PZP: variants seen among roughly 807,000 people sequenced by gnomAD.
PZP encodes the protein PZP alpha-2-macroglobulin like.
PZP carries 150 observed loss-of-function variants against 179.8 expected under a neutral mutation model. The ratio of observed to expected loss-of-function variants is 0.83; its 90% CI spans 0.73 to 0.96. PZP has a LOEUF of 0.96. Among genes scored for constraint, PZP ranks in the 40% least tolerant of loss-of-function variants. The pLI is 0.00. For missense variants in PZP, 1,689 were observed against 1,764.0 expected (o/e 0.96, Z 0.76); for synonymous variants, 624 against 652.3 (o/e 0.96, Z 0.66).
At position 9,197,020 on chromosome 12, in the gene PZP, T is replaced by A. The variant is rs781433904; in HGVS notation, c.859A>T (p.Ser287Cys). Residue 287 changes from serine (S) to cysteine (C), a missense_variant, in exon 8 of 36, where the codon AGT becomes TGT. By Grantham distance (112) the Ser-to-Cys change is moderately radical. Transcript: ENST00000261336. ...CDKQEVCEEF[S>C]QQLNSNGCIT... ...GAATACCGCCTACTAACCTGTTGACTGAATTCCTCACAGACCTCCTGCTTG... is the reference window on the plus strand; with the variant it reads ...GAATACCGCCTACTAACCTGTTGACAGAATTCCTCACAGACCTCCTGCTTG... The A allele has an allele frequency of 2.5e-6, 4 of 1,608,656 alleles. No individual in the cohort carries two copies. Among genetic ancestry groups the A allele is most frequent in the Non-Finnish European group, 3.4e-6 (4 of 1,175,246 alleles).
chr12:9,186,297 A>G (rs550680149), intron 13 of PZP, among the ~76,000 whole-genome samples: 1 of 152,220 alleles, frequency 6.6e-6, no homozygotes, highest in Admixed American at 6.5e-5. Context: ...ACGAGCCACT[A>G]CATAACCACA....
chr12:9,146,277 A>G (rs912209113), downstream of PZP, among the ~76,000 whole-genome samples: 1 of 150,786 alleles, frequency 6.6e-6, no homozygotes, highest in Non-Finnish European at 1.5e-5. Flanking sequence ...AAATTAACTG[A>G]TCTTTTCTTC....
intron 16 of PZP, 110 bp from the exon 17 acceptor site, chr12:9,169,084 T>C (rs1941797465): frequency 1.1e-5 from 8 of 723,560 alleles, no homozygotes; most frequent in Non-Finnish European, 1.8e-5. Context: ...ATTAATTCTA[T>C]GGCGAAACAC....
At position 9,152,833 on chromosome 12, in the gene PZP, A is replaced by G. The variant is rs1348768302; in HGVS notation, c.4112T>C (p.Leu1371Pro). ...HKAHTSFQISLTISYTGNRPA... is the reference protein window; with the variant it reads ...HKAHTSFQISPTISYTGNRPA... ...GGTTAGAACGTCTTACCTGATGGTC[A>G]GTGAGATCTGAAAGCTGGTGTGGGC... The change falls in exon 31 of 36, where the codon CTG (leucine) becomes CCG (proline). Residue 1371 changes from leucine (L) to proline (P), a missense_variant. Leu to Pro is a moderately conservative substitution (Grantham distance 98, BLOSUM62 -3). Transcript: ENST00000261336. 6.2e-7 allele frequency: 1 copy of G among 1,613,992 alleles called. No homozygotes were observed. Among genetic ancestry groups the G allele is most frequent in the East Asian group, 2.2e-5 (1 of 44,888 alleles).
Position 9,153,194 on chromosome 12 carries a change from C to G in PZP, c.3924G>C (p.Gln1308His), listed in dbSNP as rs1344838604. Residue 1308 changes from glutamine to histidine, a missense_variant, in exon 30 of 36, where the codon CAG becomes CAC. Gln to His is a conservative substitution (Grantham distance 24, BLOSUM62 0). Coordinates refer to ENST00000261336, the MANE Select transcript of PZP (RefSeq NM_002864.3). ...VDNNNLLLLQ[Q>H]ISLPELPGEY... ...CTCCAGGGAGCTCTGGCAATGAGAT[C>G]TGCTGCAGTAATAGGAGGTTGTTGT... 1.2e-6 allele frequency: 2 copies of G among 1,614,098 alleles called. No homozygotes were observed. Among genetic ancestry groups the G allele is most frequent in the Admixed American group, 3.3e-5 (2 of 60,016 alleles).
intron 29 of PZP, 45 bp from the exon 30 acceptor site, chr12:9,153,388 G>A (rs762740028): frequency 6.5e-6 from 10 of 1,539,476 alleles, no homozygotes; most frequent in African/African-American, 4.1e-5. Flanking sequence ...TAAATTTTTG[G>A]CATCTGGGAT....
chr12:9,202,304 A>C lies in PZP; in HGVS notation c.480+15T>G, dbSNP rs200206686. The C allele has an allele frequency of 2.5e-6, 4 of 1,606,662 alleles. No individual in the cohort carries two copies. The highest frequency in any genetic ancestry group is 3.4e-6 in the Non-Finnish European group (4 of 1,173,160). On this transcript the variant is annotated intron_variant, in intron 4 of 35. Transcript: ENST00000261336. ...ACTCTACCCACAACCCAAACCACAG[A>C]TAGTGGATGCTTACCAGTTCATTTC...
At chr12:9,175,592 C>T (rs958491603) in intron 15 of PZP, among the ~76,000 whole-genome samples, 38 of 152,004 alleles carry the variant, frequency 2.5e-4, no homozygotes, top group Admixed American at 2.2e-3. Flanking sequence ...CCAGAGTCTA[C>T]GAGGAACTTA....
chr12:9,139,976 C>G, the PZP span, among the ~76,000 whole-genome samples: 1 of 152,128 alleles, frequency 6.6e-6, no homozygotes, highest in Non-Finnish European at 1.5e-5. Flanking sequence ...TGGAATGTCT[C>G]TGGTCAGAGG....
intron 11 of PZP, among the ~76,000 whole-genome samples, chr12:9,193,667 C>G (rs944653819): frequency 1.3e-5 from 2 of 152,026 alleles, no homozygotes. Flanking sequence ...AGCATGAAAA[C>G]TTTTTAGCTA....
chr12:9,165,485 A>G (rs1941519738), intron 18 of PZP, 118 bp from the exon 19 acceptor site: 8 of 1,158,764 alleles, frequency 6.9e-6, no homozygotes, highest in Non-Finnish European at 9.8e-6. Flanking sequence ...GGTATATGCG[A>G]GTGTGCATTC....
downstream of PZP, among the ~76,000 whole-genome samples, chr12:9,144,810 C>T (rs1182783177): frequency 6.6e-6 from 1 of 152,080 alleles, no homozygotes; most frequent in Non-Finnish European, 1.5e-5. Flanking sequence ...TTGGGGCAGG[C>T]ATATCTCTGG....
At chr12:9,171,930 C>G (rs1942032880) in intron 15 of PZP, among the ~76,000 whole-genome samples, 1 of 152,118 alleles carries the variant, frequency 6.6e-6, no homozygotes. Context: ...AGGATATCAT[C>G]CAGGAGAACT....
intron 13 of PZP, among the ~76,000 whole-genome samples, chr12:9,186,762 A>T (rs897343327): frequency 6.6e-6 from 1 of 151,486 alleles, no homozygotes; most frequent in Non-Finnish European, 1.5e-5. Context: ...CAGAAAACCA[A>T]ACACCACATG....
chr12:9,140,329 G>A, the PZP span, among the ~76,000 whole-genome samples: 1 of 152,162 alleles, frequency 6.6e-6, no homozygotes. Context: ...AATCCATTTG[G>A]TTGTTTTGGA....
intron 21 of PZP, 130 bp downstream of exon 21, chr12:9,163,538 G>A (rs1047872352): frequency 8.4e-6 from 9 of 1,075,782 alleles, no homozygotes; most frequent in Admixed American, 2.9e-5. Flanking sequence ...AATGCTTTTA[G>A]GGCAGGAAAT....
rs760800548 is a variant in PZP at position 9,200,361 on chromosome 12, C to T, written c.755+3G>A. On this transcript the variant is annotated splice_donor_region_variant and intron_variant, in intron 7 of 35. Transcript: ENST00000261336. ...AATTTTAGATAAAAACAATGTAACT[C>T]ACTCTCCACAGACTGTTATGTTCAC... 1.9e-6 allele frequency: 3 copies of T among 1,582,846 alleles called. No homozygotes were observed. Among genetic ancestry groups the T allele is most frequent in the Admixed American group, 3.4e-5 (2 of 58,394 alleles).
chr12:9,185,247 C>G (rs1943028456), intron 13 of PZP, among the ~76,000 whole-genome samples: 1 of 152,178 alleles, frequency 6.6e-6, no homozygotes, highest in South Asian at 2.1e-4. Flanking sequence ...ACCAACCTGA[C>G]AGAGCTGAAC....
At chr12:9,140,778 A>C in the PZP span, among the ~76,000 whole-genome samples, 56 of 152,280 alleles carry the variant, frequency 3.7e-4, 2 homozygotes, top group African/African-American at 1.3e-3. Context: ...TACTTACCAC[A>C]GGTCAGAAAC....
Sources: allele counts gnomAD v4.1 joint callset (sites outside exome capture counted in the v4.1 genomes callset), GRCh38; gene constraint gnomAD v4.1.1; transcripts MANE v1.5; gene names NCBI Gene and HGNC (gene_info 2026-07-23, HGNC 2026-07-21).